Variants in UBA3 observed in about 807,000 individuals in gnomAD.
UBA3 encodes ubiquitin like modifier activating enzyme 3, also known as NEDD8-activating enzyme E1 catalytic subunit.
In UBA3, 26 loss-of-function variants were observed where a neutral mutation model predicts 73.5. The observed-to-expected ratio is 0.35, with a 90% confidence interval of 0.26 to 0.49. The LOEUF (loss-of-function observed/expected upper bound fraction) is 0.49. Among genes scored for constraint, UBA3 ranks in the 20% least tolerant of loss-of-function variants. UBA3 has a pLI of 0.98. For synonymous variants in UBA3, 217 were observed against 191.2 expected (o/e 1.13, Z -1.11); for missense variants, 495 against 555.6 (o/e 0.89, Z 1.10).
chr3:69,075,643 T>C (rs991728357), intron 3 of UBA3, 133 bp from the exon 4 acceptor site: 25 of 354,974 alleles, frequency 7.0e-5, no homozygotes, highest in Non-Finnish European at 1.1e-4. Flanking sequence ...GACTTTGTAT[T>C]TGCTCAATTA....
chr3:69,058,080 G>A (rs1039381227), intron 11 of UBA3, among the ~76,000 whole-genome samples: 7 of 151,848 alleles, frequency 4.6e-5, no homozygotes, highest in African/African-American at 4.8e-5. Context: ...ACAGGGGCCC[G>A]CCACCACGCC....
intron 6 of UBA3, among the ~76,000 whole-genome samples, chr3:69,064,552 A>G (rs902551943): frequency 7.9e-5 from 12 of 152,168 alleles, no homozygotes; most frequent in African/African-American, 2.9e-4. Flanking sequence ...TCATTTTTTT[A>G]ACATACAGAA....
intron 11 of UBA3, among the ~76,000 whole-genome samples, chr3:69,061,205 C>A (rs2092018507): frequency 1.3e-5 from 2 of 152,158 alleles, no homozygotes; most frequent in African/African-American, 4.8e-5. Flanking sequence ...AAGACGATTT[C>A]TATTTTGAGA....
At chr3:69,079,807 T>G in intron 2 of UBA3, 1 of 407,764 alleles carries the variant, frequency 2.5e-6, no homozygotes, top group South Asian at 4.4e-5. Flanking sequence ...TCTGACAATT[T>G]GGGATGGAGG....
chr3:69,079,053 A>C (rs903359962), intron 2 of UBA3, among the ~76,000 whole-genome samples: 3 of 152,252 alleles, frequency 2.0e-5, no homozygotes, highest in Non-Finnish European at 4.4e-5. Context: ...AAAGGGACCA[A>C]GAAGTATTGC....
intron 1 of UBA3, 59 bp downstream of exon 1, chr3:69,080,275 C>T (rs2092208349): frequency 2.5e-6 from 4 of 1,592,358 alleles, no homozygotes; most frequent in African/African-American, 1.3e-5. Context: ...AACCGCCCAC[C>T]GCCGCGCTCT....
rs539793552 is a variant in UBA3, at chr3:69,055,028, C to G, written c.*409G>C. 5 of 153,550 alleles carry G rather than the reference C, an allele frequency of 3.3e-5. No homozygotes were observed. Among genetic ancestry groups the G allele is most frequent in the African/African-American group, 1.2e-4 (5 of 41,604 alleles). 9.5% of individuals were successfully genotyped at this position (153,550 alleles called of 1,614,324 possible). A position where few individuals can be genotyped will look rare whatever the true frequency, so the allele number is the denominator to read the frequency against. ...CCTATGTTCAATATACTCCAGATGTCAGATTGTAAAATGTAATGTTATTTA... is the reference window on the plus strand; with the variant it reads ...CCTATGTTCAATATACTCCAGATGTGAGATTGTAAAATGTAATGTTATTTA... On this transcript the variant is annotated 3_prime_UTR_variant, in exon 18 of 18. Transcript: ENST00000361055.
chr3:69,062,298 A>G (rs1575833717), intron 9 of UBA3, 119 bp from the exon 10 acceptor site: 1 of 696,404 alleles, frequency 1.4e-6, no homozygotes, highest in South Asian at 1.8e-5. Flanking sequence ...AAAATATTGT[A>G]TACCATTAAA....
intron 11 of UBA3, chr3:69,061,611 T>C: frequency 2.2e-6 from 1 of 449,070 alleles, no homozygotes; most frequent in South Asian, 4.9e-5. Flanking sequence ...ACAGTTTGAC[T>C]TGGATGACTT....
chr3:69,064,540 G>A (rs1377596699), intron 6 of UBA3, among the ~76,000 whole-genome samples: 1 of 152,194 alleles, frequency 6.6e-6, no homozygotes, highest in East Asian at 1.9e-4. Context: ...TTACTGCAAA[G>A]CTCATTTTTT....
At chr3:69,071,344 C>G (rs937518453) in intron 5 of UBA3, 191 bp downstream of exon 5, 3 of 474,640 alleles carry the variant, frequency 6.3e-6, no homozygotes, top group African/African-American at 6.2e-5. Flanking sequence ...GTTTACATAA[C>G]TACTATCACC....
At chr3:69,059,161 G>C (rs773856518) in intron 11 of UBA3, among the ~76,000 whole-genome samples, 1 of 152,226 alleles carries the variant, frequency 6.6e-6, no homozygotes, top group Non-Finnish European at 1.5e-5. Flanking sequence ...CTCAGATATT[G>C]AAGAGTTCTA....
chr3:69,069,328 CT>C (rs981763572), intron 5 of UBA3, among the ~76,000 whole-genome samples: 1 of 151,234 alleles, frequency 6.6e-6, no homozygotes, highest in Non-Finnish European at 1.5e-5. Flanking sequence ...TTTTTCTTTT[CT>C]TTTTTTTTGT....
At position 69,077,809 on chromosome 3, in the gene UBA3, G is replaced by C; in HGVS notation, c.172C>G (p.Pro58Ala). ...TAAACGTTTCTCACTTCAGTGCTCG[G>C]TTCGAAATCAGGGTGTGTGAAGGGT... The part of the protein sequence containing the change: ...SGPFTHPDFE[P>A]STESLQFLLD... Residue 58 changes from proline to alanine, a missense_variant, in exon 3 of 18, where the codon CCG becomes GCG. Coordinates refer to ENST00000361055, the MANE Select transcript of UBA3 (RefSeq NM_003968.4). 6.2e-7 allele frequency: 1 copy of C among 1,613,116 alleles called. No individual in the cohort carries two copies. The highest frequency in any genetic ancestry group is 8.5e-7 in the Non-Finnish European group (1 of 1,179,462).
At chr3:69,057,396 T>C (rs2091983512) in intron 11 of UBA3, 87 bp from the exon 12 acceptor site, 1 of 1,253,190 alleles carries the variant, frequency 8.0e-7, no homozygotes, top group Admixed American at 2.3e-5. Flanking sequence ...TTAAATACCA[T>C]TTTCTAAAAC....
intron 4 of UBA3, among the ~76,000 whole-genome samples, chr3:69,074,368 T>C (rs2092146737): frequency 6.6e-6 from 1 of 152,214 alleles, no homozygotes; most frequent in Non-Finnish European, 1.5e-5. Flanking sequence ...ATTTATTTCA[T>C]GTGAGATTTA....
intron 11 of UBA3, among the ~76,000 whole-genome samples, chr3:69,060,294 A>C (rs954071036): frequency 5.9e-5 from 9 of 152,136 alleles, no homozygotes; most frequent in South Asian, 4.1e-4. Flanking sequence ...GAAAAACAAA[A>C]AAAAAAAGAC....
intron 11 of UBA3, 100 bp from the exon 12 acceptor site, chr3:69,057,409 G>A: frequency 9.4e-7 from 1 of 1,063,024 alleles, no homozygotes; most frequent in Non-Finnish European, 1.4e-6. Context: ...TCTAAAACTT[G>A]ATTTTTCAGA....
intron 2 of UBA3, among the ~76,000 whole-genome samples, chr3:69,078,356 G>A (rs1401000354): frequency 6.6e-6 from 1 of 152,230 alleles, no homozygotes; most frequent in Non-Finnish European, 1.5e-5. Flanking sequence ...GAATTCTGAT[G>A]CTTATATGTC....
Sources: allele counts gnomAD v4.1 joint callset (sites outside exome capture counted in the v4.1 genomes callset), GRCh38; gene constraint gnomAD v4.1.1; transcripts MANE v1.5; gene names NCBI Gene and HGNC (gene_info 2026-07-23, HGNC 2026-07-21).